ACSM2A: variants seen among roughly 807,000 people sequenced by gnomAD.
ACSM2A encodes acyl-coenzyme A synthetase ACSM2A, mitochondrial.
A neutral mutation model predicts 76.6 loss-of-function variants in ACSM2A; 72 were observed. The observed-to-expected ratio is 0.94, with a 90% CI of 0.78 to 1.14. The LOEUF is 1.14. Among genes scored for constraint, ACSM2A ranks in the 50% most tolerant of loss-of-function variants. ACSM2A has a pLI of 0.00. For synonymous variants in ACSM2A, 249 were observed against 255.9 expected (o/e 0.97, Z 0.26); for missense variants, 684 against 708.5 (o/e 0.97, Z 0.39).
At chr16:20,474,088 G>A (rs2141735065) in intron 6 of ACSM2A, 1 of 447,128 alleles carries the variant, frequency 2.2e-6, no homozygotes, top group Admixed American at 2.4e-5. Context: ...TTTGATTGAT[G>A]TCTTATGTCT....
intron 4 of ACSM2A, chr16:20,470,763 T>G: frequency 1.8e-6 from 1 of 540,704 alleles, no homozygotes; most frequent in East Asian, 4.7e-5. Context: ...AATTTGCTCA[T>G]TTCTTTGGTG....
At chr16:20,463,107 AC>A (rs1170210651) in intron 2 of ACSM2A, among the ~76,000 whole-genome samples, 1 of 149,064 alleles carries the variant, frequency 6.7e-6, no homozygotes, top group African/African-American at 2.5e-5. Flanking sequence ...GGGAGGGATA[AC>A]ATTAGGCGAT....
chr16:20,471,473 G>C (rs1307512553), intron 5 of ACSM2A, 63 bp from the exon 6 acceptor site: 2 of 1,554,562 alleles, frequency 1.3e-6, no homozygotes, highest in Non-Finnish European at 1.7e-6. Context: ...CTACACCTTA[G>C]TGTCCCACGC....
intron 13 of ACSM2A, among the ~76,000 whole-genome samples, chr16:20,484,764 A>G (rs371051068): frequency 5.3e-5 from 8 of 152,252 alleles, no homozygotes; most frequent in East Asian, 3.9e-4. Flanking sequence ...GGGTCTTTAC[A>G]GTCACAGGTG....
intron 1 of ACSM2A, among the ~76,000 whole-genome samples, chr16:20,456,936 A>C (rs1268909492): frequency 6.6e-6 from 1 of 151,912 alleles, no homozygotes; most frequent in East Asian, 1.9e-4. Context: ...AACAAAGAAA[A>C]TCCAAATAAG....
At chr16:20,454,396 C>T (rs1396881195) in intron 1 of ACSM2A, among the ~76,000 whole-genome samples, 1 of 151,884 alleles carries the variant, frequency 6.6e-6, no homozygotes, top group African/African-American at 2.4e-5. Flanking sequence ...CTTTTTTTGC[C>T]AGAAGAAACA....
intron 13 of ACSM2A, 46 bp downstream of exon 13, chr16:20,483,223 T>C: frequency 6.2e-7 from 1 of 1,604,010 alleles, no homozygotes; most frequent in Non-Finnish European, 8.5e-7. Context: ...AGAAATAGAT[T>C]GTTTTCCTGT....
chr16:20,483,547 G>T (rs1416513641), intron 13 of ACSM2A, among the ~76,000 whole-genome samples: 2 of 107,662 alleles, frequency 1.9e-5, no homozygotes, highest in Non-Finnish European at 3.4e-5. Flanking sequence ...TGCAGCCCAG[G>T]TGACAGAGTG....
intron 10 of ACSM2A, among the ~76,000 whole-genome samples, chr16:20,480,311 A>G (rs2014010817): frequency 6.6e-6 from 1 of 152,232 alleles, no homozygotes; most frequent in African/African-American, 2.4e-5. Flanking sequence ...AGCATGGATG[A>G]ATGAATACAT....
At chr16:20,458,494 C>A in intron 1 of ACSM2A, among the ~76,000 whole-genome samples, 1 of 142,540 alleles carries the variant, frequency 7.0e-6, no homozygotes. Flanking sequence ...TTATATAATA[C>A]ATAATATTAC....
At chr16:20,459,747 T>C (rs1462788390) in intron 1 of ACSM2A, among the ~76,000 whole-genome samples, 1 of 152,142 alleles carries the variant, frequency 6.6e-6, no homozygotes, top group Non-Finnish European at 1.5e-5. Flanking sequence ...TGAAAATGAA[T>C]GGGGATTTAT....
At chr16:20,453,147 G>C (rs1254173729) in intron 1 of ACSM2A, 1 of 152,014 alleles carries the variant, frequency 6.6e-6, no homozygotes. Flanking sequence ...TATCATGTTA[G>C]TGGCTGACCT....
chr16:20,470,827 G>C, intron 4 of ACSM2A: 2 of 673,406 alleles, frequency 3.0e-6, no homozygotes, highest in Non-Finnish European at 5.4e-6. Flanking sequence ...TATAAAGTCA[G>C]ACACAGAGAC....
intron 2 of ACSM2A, among the ~76,000 whole-genome samples, chr16:20,461,642 A>G (rs1487901487): frequency 6.6e-6 from 1 of 152,196 alleles, no homozygotes; most frequent in East Asian, 1.9e-4. Flanking sequence ...AACCAGGCAA[A>G]GTATATGAAC....
intron 12 of ACSM2A, 75 bp downstream of exon 12, chr16:20,480,996 G>A (rs1328542647): frequency 6.4e-7 from 1 of 1,555,712 alleles, no homozygotes; most frequent in East Asian, 2.3e-5. Context: ...TTTAAGAACA[G>A]GGACTGTGGG....
Position 20,480,882 on chromosome 16 carries a change from G to GATGGAGCCTGCT in ACSM2A, c.1471_1472insTGGAGCCTGCTA (p.Glu490_Thr491insMetGluProAla). ...TGATGGAGCACCCTGCTGTGGTTGA[G>GATGGAGCCTGCT]ACGGCTGTGATCAGCAGCCCAGACC... is the stretch of plus-strand genomic sequence containing the variant. On this transcript the variant is annotated inframe_insertion, in exon 12 of 14. Transcript: ENST00000573854. 1 of 1,613,960 alleles carries GATGGAGCCTGCT rather than the reference G, an allele frequency of 6.2e-7. No individual in the cohort carries two copies. The highest frequency in any genetic ancestry group is 2.2e-5 in the East Asian group (1 of 44,888).
intron 2 of ACSM2A, among the ~76,000 whole-genome samples, chr16:20,463,774 G>A (rs536674686): frequency 2.0e-5 from 3 of 152,192 alleles, no homozygotes; most frequent in East Asian, 3.9e-4. Flanking sequence ...ACAGTATTTG[G>A]TTTTTTGTGT....
chr16:20,475,142 T>A (rs562604336), intron 6 of ACSM2A, among the ~76,000 whole-genome samples: 1 of 152,210 alleles, frequency 6.6e-6, no homozygotes, highest in Admixed American at 6.5e-5. Flanking sequence ...AGCCTTAGAC[T>A]TTTTCACTAC....
chr16:20,478,648 A>C lies in ACSM2A; in HGVS notation c.1252A>C (p.Arg418=). 1 of 1,613,550 alleles carries C rather than the reference A, an allele frequency of 6.2e-7. No individual in the cohort carries two copies. Among genetic ancestry groups the C allele is most frequent in the Non-Finnish European group, 8.5e-7 (1 of 1,179,584 alleles). ...GDIGIRVKPI[R]PIGIFSGYVD... Reference sequence around the variant, plus strand: ...CATTGGCATCAGGGTCAAACCCATCAGGCCTATAGGCATCTTCTCTGGCTA... The same window carrying C: ...CATTGGCATCAGGGTCAAACCCATCCGGCCTATAGGCATCTTCTCTGGCTA... Residue 418 remains arginine, a synonymous_variant, in exon 10 of 14, where the codon AGG becomes CGG. Transcript: ENST00000573854.
Sources: allele counts gnomAD v4.1 joint callset (sites outside exome capture counted in the v4.1 genomes callset), GRCh38; gene constraint gnomAD v4.1.1; transcripts MANE v1.5; gene names NCBI Gene and HGNC (gene_info 2026-07-23, HGNC 2026-07-21).